BANK1: variants seen among roughly 807,000 people sequenced by gnomAD.
The protein encoded by BANK1 is B cell scaffold protein with ankyrin repeats 1.
In BANK1, 95 loss-of-function variants were observed where a neutral mutation model predicts 94.5. The ratio of observed to expected loss-of-function variants is 1.00; its 90% CI spans 0.85 to 1.19. The LOEUF is 1.19. Among genes scored for constraint, BANK1 ranks in the 50% most tolerant of loss-of-function variants. The pLI is 0.00. For missense variants in BANK1, 987 were observed against 932.2 expected, an observed-to-expected ratio of 1.06 and a Z score of -0.77; for synonymous variants, 334 against 308.4, an observed-to-expected ratio of 1.08 and a Z score of -0.87.
intron 5 of BANK1, among the ~76,000 whole-genome samples, chr4:101,881,869 A>G (rs986986283): frequency 6.6e-6 from 1 of 152,042 alleles, no homozygotes; most frequent in African/African-American, 2.4e-5. Flanking sequence ...TAATAGTCAA[A>G]ACAATTGAAC....
chr4:102,026,319 A>G (rs890963819), intron 9 of BANK1, among the ~76,000 whole-genome samples: 1 of 152,052 alleles, frequency 6.6e-6, no homozygotes, highest in African/African-American at 2.4e-5. Flanking sequence ...TACTTTCCAA[A>G]TTTATATTTA....
chr4:101,916,097 C>T (rs528108148), intron 6 of BANK1, among the ~76,000 whole-genome samples: 1 of 152,124 alleles, frequency 6.6e-6, no homozygotes, highest in African/African-American at 2.4e-5. Flanking sequence ...AATTACCTTC[C>T]AGAGAGTTTC....
chr4:101,917,064 A>C (rs187785948), intron 6 of BANK1, among the ~76,000 whole-genome samples: 3 of 152,134 alleles, frequency 2.0e-5, no homozygotes, highest in African/African-American at 7.2e-5. Context: ...TGTATGAACT[A>C]AGATGATTAA....
intron 6 of BANK1, among the ~76,000 whole-genome samples, chr4:101,916,856 T>A (rs1469959907): frequency 1.3e-5 from 2 of 151,972 alleles, no homozygotes; most frequent in Non-Finnish European, 2.9e-5. Context: ...ATTTACACCT[T>A]GGTAATAAAA....
At chr4:102,053,474 C>G (rs1728122785) in intron 11 of BANK1, among the ~76,000 whole-genome samples, 1 of 151,882 alleles carries the variant, frequency 6.6e-6, no homozygotes, top group African/African-American at 2.4e-5. Context: ...AATGGACTAC[C>G]AAGTTTATTT....
intron 5 of BANK1, among the ~76,000 whole-genome samples, chr4:101,875,657 G>T (rs1445677946): frequency 6.6e-6 from 1 of 152,140 alleles, no homozygotes; most frequent in Non-Finnish European, 1.5e-5. Flanking sequence ...GATGAGATTT[G>T]GGTGGGGACA....
intron 1 of BANK1, among the ~76,000 whole-genome samples, chr4:101,797,419 G>T (rs1725193988): frequency 6.6e-6 from 1 of 152,118 alleles, no homozygotes; most frequent in African/African-American, 2.4e-5. Context: ...AATGAGGGAT[G>T]GCACATGATT....
chr4:101,927,872 A>G (rs1198611869), intron 7 of BANK1, among the ~76,000 whole-genome samples: 2 of 151,664 alleles, frequency 1.3e-5, no homozygotes, highest in Non-Finnish European at 3.0e-5. Flanking sequence ...GTACCAACAG[A>G]AAAAGCCAAC....
At chr4:101,910,243 A>T (rs1340818743) in intron 6 of BANK1, among the ~76,000 whole-genome samples, 1 of 152,226 alleles carries the variant, frequency 6.6e-6, no homozygotes, top group South Asian at 2.1e-4. Flanking sequence ...TATGATGCTG[A>T]TTCTACTCCT....
intron 1 of BANK1, among the ~76,000 whole-genome samples, chr4:101,807,816 C>A (rs893312179): frequency 6.6e-6 from 1 of 152,046 alleles, no homozygotes. Context: ...CGTGGTGGCT[C>A]ACGCCTGTAA....
At chr4:101,958,464 C>CCTTTT (rs1724445379) in intron 7 of BANK1, among the ~76,000 whole-genome samples, 1 of 110,732 alleles carries the variant, frequency 9.0e-6, no homozygotes, top group African/African-American at 3.4e-5. Context: ...GCCCCCCATG[C>CCTTTT]TTTTTTTTTT....
At position 101,947,343 on chromosome 4, in the gene BANK1, A is replaced by G. The variant is rs942606222; in HGVS notation, c.1206+29154A>G. Reference sequence around the variant, plus strand: ...TGTATTATGTATTATATTCTTCATCATATTCAGGAGTGACACTCTTCATCT... The same window carrying G: ...TGTATTATGTATTATATTCTTCATCGTATTCAGGAGTGACACTCTTCATCT... On this transcript the variant is annotated intron_variant, in intron 7 of 16. Coordinates refer to ENST00000322953, the MANE Select transcript of BANK1 (RefSeq NM_017935.5). Among the ~76,000 whole-genome samples, 7 of 136,034 alleles carry G rather than the reference A, an allele frequency of 5.1e-5. No individual in the cohort carries two copies. In the South Asian group the frequency reaches 1.0e-3, roughly 20 times the overall value. The allele number at this position is 136,034 out of a possible 152,430, so 89.2% of individuals were successfully genotyped here. A position where few individuals can be genotyped will look rare whatever the true frequency, so the allele number is the denominator to read the frequency against.
intron 6 of BANK1, among the ~76,000 whole-genome samples, chr4:101,916,345 A>G (rs1722828810): frequency 6.6e-6 from 1 of 152,032 alleles, no homozygotes. Flanking sequence ...CAAAGTGGTC[A>G]TTCTACTCTG....
At chr4:101,944,110 G>T (rs1331217582) in intron 7 of BANK1, among the ~76,000 whole-genome samples, 1 of 151,618 alleles carries the variant, frequency 6.6e-6, no homozygotes, top group Non-Finnish European at 1.5e-5. Context: ...ATGTGTGTGT[G>T]TACAGATCCA....
intron 2 of BANK1, among the ~76,000 whole-genome samples, chr4:101,832,302 C>T (rs1001367458): frequency 6.6e-6 from 1 of 152,136 alleles, no homozygotes; most frequent in Non-Finnish European, 1.5e-5. Flanking sequence ...CAGGGACATG[C>T]TTTCTTATTT....
In BANK1 at chr4:101,905,704, C is replaced by T. The variant is rs75042343; in HGVS notation, c.1009+10294C>T. Among the ~76,000 whole-genome samples, 722 of 152,214 alleles carry T rather than the reference C, an allele frequency of 4.7e-3. 13 individuals are homozygous for T. In the East Asian group the frequency reaches 0.058, roughly 12 times the overall value. ...AGAGTAGCTTTATGCAAATTGCCTC[C>T]GATACCATCACAGGCCTTGATATAA... On this transcript the variant is annotated intron_variant, in intron 6 of 16. Transcript: ENST00000322953.
Position 101,855,151 on chromosome 4 carries a change from C to A in BANK1, c.586C>A (p.Pro196Thr). The A allele has an allele frequency of 1.9e-6, 3 of 1,613,424 alleles. No homozygotes were observed. The highest frequency in any genetic ancestry group is 2.2e-5 in the East Asian group (1 of 44,876). ...ELSEASRNTI[P>T]LAVVLPTEIP... is the part of the protein sequence containing the mutation. ...ATCAGAAGCTTCAAGAAACACCATA[C>A]CACTAGCAGTGGTGCTTCCCACTGA... The change falls in exon 3 of 17, where the codon CCA becomes ACA. Residue 196 changes from proline to threonine, a missense_variant. Physicochemically the swap from Pro to Thr is conservative, Grantham distance 38. Coordinates refer to ENST00000322953, the MANE Select transcript of BANK1 (RefSeq NM_017935.5).
chr4:101,932,008 T>C (rs1723366056), intron 7 of BANK1, among the ~76,000 whole-genome samples: 1 of 151,480 alleles, frequency 6.6e-6, no homozygotes, highest in East Asian at 2.0e-4. Context: ...GAAAATGTAG[T>C]TTGTTTAAGA....
chr4:101,876,808 A>G (rs1484065493), intron 5 of BANK1, among the ~76,000 whole-genome samples: 5 of 152,198 alleles, frequency 3.3e-5, no homozygotes, highest in Non-Finnish European at 5.9e-5. Flanking sequence ...GAACACAGAG[A>G]GGGAGTTAAG....
Sources: allele counts gnomAD v4.1 joint callset (sites outside exome capture counted in the v4.1 genomes callset), GRCh38; gene constraint gnomAD v4.1.1; transcripts MANE v1.5; gene names NCBI Gene and HGNC (gene_info 2026-07-23, HGNC 2026-07-21).